The following NPRL3 variants were observed in gnomAD, a reference collection of about 807,000 sequenced individuals.
NPRL3 encodes the protein NPR3 like, GATOR1 complex subunit, also known as GATOR1 complex protein NPRL3.
A neutral mutation model predicts 57.2 loss-of-function variants in NPRL3; 23 were observed. The observed-to-expected ratio is 0.40, with a 90% CI of 0.29 to 0.57. The LOEUF (loss-of-function observed/expected upper bound fraction) is 0.57. NPRL3 is among the 20% of genes least tolerant of loss of function. The probability of loss-of-function intolerance (pLI) is 0.42; values close to 1 mark genes in which losing one functional copy is unlikely to be tolerated. For synonymous variants in NPRL3, 333 were observed against 321.1 expected (o/e 1.04, Z -0.39); for missense variants, 691 against 767.1 (o/e 0.90, Z 1.17).
intron 5 of NPRL3, among the ~76,000 whole-genome samples, chr16:113,949 C>T (rs1352302832): frequency 6.6e-6 from 1 of 152,236 alleles, no homozygotes; most frequent in Non-Finnish European, 1.5e-5. Flanking sequence ...CTGTTGCTCC[C>T]ATGCTGTGCC....
At chr16:105,862 G>C (rs1219972066) in intron 7 of NPRL3, among the ~76,000 whole-genome samples, 2 of 152,172 alleles carry the variant, frequency 1.3e-5, no homozygotes, top group African/African-American at 4.8e-5. Context: ...AGGGCCACTG[G>C]GATCCACAGG....
At chr16:131,596 T>C (rs576552188) in intron 2 of NPRL3, among the ~76,000 whole-genome samples, 31 of 27,764 alleles carry the variant, frequency 1.1e-3, no homozygotes, top group African/African-American at 5.3e-3. Flanking sequence ...AGACTCAGTC[T>C]CAAAAAAAAA....
At chr16:132,164 T>C (rs1900841591) in intron 2 of NPRL3, among the ~76,000 whole-genome samples, 1 of 152,132 alleles carries the variant, frequency 6.6e-6, no homozygotes, top group Non-Finnish European at 1.5e-5. Context: ...ATGACACCCA[T>C]GTCCGGCTAG....
chr16:118,847 C>A lies in NPRL3; in HGVS notation c.318+279G>T, dbSNP rs13338262. Among the ~76,000 whole-genome samples, 12,174 of 151,914 alleles carry A rather than the reference C, an allele frequency of 0.08. 928 individuals carry two copies. Among genetic ancestry groups the A allele is most frequent in the African/African-American group, 0.2 (8,373 of 41,384 alleles). ...TGTGCATGCCCAGGGAGAACCCCAC[C>A]TGCCCAAGGACAGACGCATCTGCCC... On this transcript the variant is annotated intron_variant, in intron 4 of 13. Coordinates refer to ENST00000611875, the MANE Select transcript of NPRL3 (RefSeq NM_001077350.3).
At position 138,195 on chromosome 16, in the gene NPRL3, T is replaced by C; in HGVS notation, c.73A>G (p.Arg25Gly). 2 of 1,610,278 alleles carry C rather than the reference T, an allele frequency of 1.2e-6. No homozygotes were observed. Among genetic ancestry groups the C allele is most frequent in the Non-Finnish European group, 1.7e-6 (2 of 1,178,628 alleles). The change falls in exon 2 of 14, where the codon AGG (arginine) becomes GGG (glycine). Residue 25 changes from arginine to glycine, a missense_variant. Transcript: ENST00000611875. Reference sequence around the variant, plus strand: ...TCCTGGCTTCTCTGGAAGGGGTACCTGAACAGCAGCTTATTGCCCCTGCTC... The same window carrying C: ...TCCTGGCTTCTCTGGAAGGGGTACCCGAACAGCAGCTTATTGCCCCTGCTC... ...SGSRGNKLLF[R>G]YPFQRSQEHP...
At chr16:92,746 C>G (rs560953250) in intron 10 of NPRL3, 21 bp from the exon 11 acceptor site, 1 of 1,611,692 alleles carries the variant, frequency 6.2e-7, no homozygotes, top group African/African-American at 1.3e-5. Context: ...GTGAGCATGC[C>G]AGTGAGTGCA....
intron 9 of NPRL3, among the ~76,000 whole-genome samples, chr16:94,591 AATTTTT>A (rs1324419699): frequency 6.6e-6 from 1 of 152,052 alleles, no homozygotes; most frequent in African/African-American, 2.4e-5. Flanking sequence ...CTCTGCCAAA[AATTTTT>A]ATTTAATTAG....
At chr16:104,994 G>C (rs1310200495) in intron 7 of NPRL3, among the ~76,000 whole-genome samples, 1 of 152,218 alleles carries the variant, frequency 6.6e-6, no homozygotes, top group African/African-American at 2.4e-5. Flanking sequence ...TTTGGGCCCT[G>C]AAAGGTTTCC....
chr16:134,709 T>A (rs1364668735), intron 2 of NPRL3, among the ~76,000 whole-genome samples: 12 of 142,700 alleles, frequency 8.4e-5, no homozygotes, highest in African/African-American at 3.1e-4. Context: ...TTTTTTTTTT[T>A]TTTTTTTTTT....
intron 3 of NPRL3, among the ~76,000 whole-genome samples, chr16:120,968 C>A (rs995562073): frequency 5.3e-5 from 8 of 152,160 alleles, no homozygotes; most frequent in African/African-American, 1.9e-4. Context: ...CTAAACAGTG[C>A]CCCTCCACTC....
At chr16:96,628 T>C (rs1391622941) in intron 9 of NPRL3, among the ~76,000 whole-genome samples, 1 of 91,354 alleles carries the variant, frequency 1.1e-5, no homozygotes, top group Non-Finnish European at 2.1e-5. Context: ...CAGGGCAACA[T>C]AGGGAAACCC....
chr16:132,497 G>A (rs1472579077), intron 2 of NPRL3, among the ~76,000 whole-genome samples: 1 of 152,068 alleles, frequency 6.6e-6, no homozygotes, highest in Non-Finnish European at 1.5e-5. Context: ...CATGAGAGCT[G>A]GAATCAACTT....
At chr16:91,323 A>G (rs1032678023) in intron 11 of NPRL3, among the ~76,000 whole-genome samples, 2 of 152,224 alleles carry the variant, frequency 1.3e-5, no homozygotes, top group African/African-American at 4.8e-5. Context: ...GGTTGCAGTG[A>G]GCCGAGATCA....
chr16:100,450 CAGA>C lies in NPRL3; in HGVS notation c.686_688del (p.Phe229del), dbSNP rs1470732015. 6.2e-7 allele frequency: 1 copy of C among 1,605,598 alleles called. No individual in the cohort carries two copies. The highest frequency in any genetic ancestry group is 8.5e-7 in the Non-Finnish European group (1 of 1,176,894). ...CGCATAGTGGATCTTGTGGGGCAGGCAGAAGCTCACCTCCAGCCAGCTGTTGAT... is the reference window on the plus strand; with the variant it reads ...CGCATAGTGGATCTTGTGGGGCAGGCAGCTCACCTCCAGCCAGCTGTTGAT... On this transcript the variant is annotated inframe_deletion, in exon 8 of 14. Transcript: ENST00000611875.
intron 3 of NPRL3, among the ~76,000 whole-genome samples, chr16:128,745 G>A (rs559760213): frequency 1.3e-5 from 2 of 152,246 alleles, no homozygotes; most frequent in South Asian, 2.1e-4. Context: ...TCCAGCCTGG[G>A]TGACAGAGCG....
intron 4 of NPRL3, among the ~76,000 whole-genome samples, chr16:118,077 A>G (rs1900123927): frequency 6.6e-6 from 1 of 152,140 alleles, no homozygotes; most frequent in South Asian, 2.1e-4. Flanking sequence ...CCAGCTGTGG[A>G]GGCTGTGATG....
chr16:134,702 T>A (rs951600330), intron 2 of NPRL3, among the ~76,000 whole-genome samples: 30 of 136,494 alleles, frequency 2.2e-4, no homozygotes, highest in Non-Finnish European at 3.3e-4. Context: ...TTATTTTTTT[T>A]TTTTTTTTTT....
rs968108080 is a variant in NPRL3, at chr16:107,442, G to A, written c.629+3083C>T. On this transcript the variant is annotated intron_variant, in intron 7 of 13. Transcript: ENST00000611875. ...GGCGGATCTACAAGGTCAGGAGTTC[G>A]AGACCAGCCTGGCCAATATGGTGAA... Among the ~76,000 whole-genome samples, 58 of 152,022 alleles carry A rather than the reference G, an allele frequency of 3.8e-4. 2 individuals are homozygous for A. Among genetic ancestry groups the A allele is most frequent in the East Asian group, 3.9e-4 (2 of 5,182 alleles).
Position 92,677 on chromosome 16 carries a change from G to T in NPRL3, c.1080C>A (p.Asp360Glu). 6.2e-7 allele frequency: 1 copy of T among 1,613,898 alleles called. No homozygotes were observed. The change falls in exon 11 of 14, where the codon GAC (aspartate) becomes GAA (glutamate). Residue 360 changes from aspartate (D) to glutamate (E), a missense_variant. Transcript: ENST00000611875. ...AGAACTTGGCAAGAACGGACGGCAG[G>T]TCATGAGATGGGAACTGGTGGGAGA... is the stretch of plus-strand genomic sequence containing the variant. ...EQFSHQFPSH[D>E]LPSVLAKFSL...
Sources: gnomAD v4.1 joint callset for allele counts (sites outside exome capture counted in the v4.1 genomes callset) on GRCh38, gnomAD v4.1.1 for gene constraint, MANE v1.5 for transcripts, NCBI Gene and HGNC (gene_info 2026-07-23, HGNC 2026-07-21) for gene names.